KMT2C: variants seen among roughly 807,000 people sequenced by gnomAD.
KMT2C encodes the protein lysine methyltransferase 2C, also known as histone-lysine N-methyltransferase 2C.
Under a neutral mutation model 507.9 loss-of-function variants are expected in KMT2C, and 88 were observed. That is an observed-to-expected ratio of 0.17 (90% confidence interval 0.15 to 0.21). KMT2C has a LOEUF of 0.21. Among genes scored for constraint, KMT2C ranks in the 10% least tolerant of loss-of-function variants. The pLI is 1.00. For synonymous variants in KMT2C, 2,049 were observed against 2,080.8 expected (o/e 0.98, Z 0.42); for missense variants, 4,954 against 5,957.8 (o/e 0.83, Z 5.55).
intron 3 of KMT2C, among the ~76,000 whole-genome samples, chr7:152,318,394 A>C (rs1455759440): frequency 6.6e-6 from 1 of 152,020 alleles, no homozygotes; most frequent in Non-Finnish European, 1.5e-5. Flanking sequence ...ACCTGAGGTC[A>C]GTTCGAAATC....
At chr7:152,199,481 C>A in intron 26 of KMT2C, 22 bp from the exon 27 acceptor site, 1 of 1,456,614 alleles carries the variant, frequency 6.9e-7, no homozygotes, top group Non-Finnish European at 9.1e-7. Flanking sequence ...TAAGCACATA[C>A]AAAAATGGTT....
intron 1 of KMT2C, among the ~76,000 whole-genome samples, chr7:152,394,402 C>CT (rs2097524367): frequency 6.6e-6 from 1 of 152,312 alleles, no homozygotes; most frequent in Admixed American, 6.5e-5. Context: ...CACACTGGCC[C>CT]TTTCAGTTCT....
intron 2 of KMT2C, among the ~76,000 whole-genome samples, chr7:152,354,071 C>A (rs1387114642): frequency 2.6e-4 from 40 of 152,106 alleles, no homozygotes; most frequent in Non-Finnish European, 1.9e-4. Flanking sequence ...GGACAATGGA[C>A]TTTCCAAGGA....
rs748389185 is a variant in KMT2C, at chr7:152,330,780, GTGTT to G, written c.251-45_251-42del. Reference sequence around the variant, plus strand: ...CAAGAGAAAACAAAGAGTCATTTTTGTGTTTATTTTAATCACTGGTGAATGTATC... The same window carrying G: ...CAAGAGAAAACAAAGAGTCATTTTTGTATTTTAATCACTGGTGAATGTATC... On this transcript the variant is annotated intron_variant, in intron 2 of 58. Coordinates refer to ENST00000262189, the MANE Select transcript of KMT2C (RefSeq NM_170606.3). 8 of 1,592,954 alleles carry G rather than the reference GTGTT, an allele frequency of 5.0e-6. No homozygotes were observed. In the South Asian group the frequency reaches 8.8e-5, roughly 18 times the overall value.
In KMT2C at chr7:152,144,243, T is replaced by C. The variant is rs560889682; in HGVS notation, c.14343+470A>G. Among the ~76,000 whole-genome samples, 7 of 152,340 alleles carry C rather than the reference T, an allele frequency of 4.6e-5. No homozygotes were observed. Among genetic ancestry groups the C allele is most frequent in the Non-Finnish European group, 8.8e-5 (6 of 68,026 alleles). On this transcript the variant is annotated intron_variant, in intron 55 of 58. Transcript: ENST00000262189. This position sits in a 1 kb window ranked among gnomAD's most constrained non-coding sequence, Gnocchi z 4.4. ...GACTATAGGTGTAAACTTAAATGCTTAGCCTATACACGGCCTTACTTGTAA... is the reference window on the plus strand; with the variant it reads ...GACTATAGGTGTAAACTTAAATGCTCAGCCTATACACGGCCTTACTTGTAA...
At chr7:152,282,879 T>A (rs2096244007) in intron 6 of KMT2C, among the ~76,000 whole-genome samples, 1 of 144,658 alleles carries the variant, frequency 6.9e-6, no homozygotes, top group Admixed American at 6.8e-5. Context: ...ATTAAGTTTT[T>A]TCTAGAAAAT....
At chr7:152,308,726 A>G (rs945174235) in intron 6 of KMT2C, among the ~76,000 whole-genome samples, 2 of 151,052 alleles carry the variant, frequency 1.3e-5, no homozygotes, top group Non-Finnish European at 1.5e-5. Context: ...GTAGCTCACA[A>G]CTAAACTCCC....
intron 7 of KMT2C, among the ~76,000 whole-genome samples, chr7:152,271,156 A>C (rs1329467344): frequency 6.6e-6 from 1 of 152,212 alleles, no homozygotes; most frequent in Non-Finnish European, 1.5e-5. Context: ...AACCCTCATA[A>C]TAACACTATG....
chr7:152,336,226 C>T (rs2096934094), intron 2 of KMT2C, among the ~76,000 whole-genome samples: 1 of 152,134 alleles, frequency 6.6e-6, no homozygotes, highest in South Asian at 2.1e-4. Flanking sequence ...AAAAAGGTAT[C>T]ACTAAATATT....
At chr7:152,297,110 G>C (rs1200179552) in intron 6 of KMT2C, among the ~76,000 whole-genome samples, 1 of 145,330 alleles carries the variant, frequency 6.9e-6, no homozygotes, top group Non-Finnish European at 1.5e-5. Context: ...AGAAAGACGT[G>C]AATATATGTG....
chr7:152,185,005 C>T (rs983553880), intron 34 of KMT2C, among the ~76,000 whole-genome samples: 5 of 152,194 alleles, frequency 3.3e-5, no homozygotes, highest in South Asian at 4.1e-4. Context: ...CATCTGCCCA[C>T]CTTGGCCTCT....
intron 23 of KMT2C, among the ~76,000 whole-genome samples, chr7:152,210,713 T>G (rs1237317394): frequency 6.6e-6 from 1 of 151,508 alleles, no homozygotes; most frequent in East Asian, 1.9e-4. Context: ...ATTAACAGAC[T>G]AAGTAGGAAG....
At chr7:152,360,823 T>A (rs561627453) in intron 1 of KMT2C, among the ~76,000 whole-genome samples, 2 of 150,684 alleles carry the variant, frequency 1.3e-5, no homozygotes, top group African/African-American at 4.9e-5. Context: ...CACTCCAGCC[T>A]GGGCAACAAG....
At chr7:152,364,563 T>G (rs1182418341) in intron 1 of KMT2C, among the ~76,000 whole-genome samples, 1 of 146,922 alleles carries the variant, frequency 6.8e-6, no homozygotes, top group East Asian at 2.0e-4. Flanking sequence ...GAGCCGAGAT[T>G]ACACCACTGC....
At chr7:152,278,904 G>C (rs1255530776) in intron 6 of KMT2C, among the ~76,000 whole-genome samples, 1 of 152,302 alleles carries the variant, frequency 6.6e-6, no homozygotes, top group Non-Finnish European at 1.5e-5. Flanking sequence ...CTCAAATCAG[G>C]ATATTAAGTA....
chr7:152,433,068 AAT>A lies in KMT2C; in HGVS notation c.161+2556_161+2557del, dbSNP rs1417713210. On this transcript the variant is annotated intron_variant, in intron 1 of 58. Coordinates refer to ENST00000262189, the MANE Select transcript of KMT2C (RefSeq NM_170606.3). ...GAGGCTGAGGAAGGAGAATCGCTTGAATACACGAGGCAGAGGTTGCGGTGAGC... is the reference window on the plus strand; with the variant it reads ...GAGGCTGAGGAAGGAGAATCGCTTGAACACGAGGCAGAGGTTGCGGTGAGC... Among the ~76,000 whole-genome samples, 8 of 152,180 alleles carry A rather than the reference AAT, an allele frequency of 5.3e-5. No individual in the cohort carries two copies. The East Asian group carries it at 1.5e-3, about 29-fold the overall frequency.
intron 2 of KMT2C, among the ~76,000 whole-genome samples, chr7:152,333,448 C>T (rs777735784): frequency 1.3e-5 from 2 of 152,252 alleles, no homozygotes; most frequent in Non-Finnish European, 2.9e-5. Context: ...CTTTGAAGAA[C>T]TTATTATCCA....
chr7:152,241,783 C>T (rs777916536), intron 14 of KMT2C, among the ~76,000 whole-genome samples: 3 of 152,122 alleles, frequency 2.0e-5, no homozygotes, highest in African/African-American at 7.2e-5. Flanking sequence ...TGGCAGTAGA[C>T]AGTTCTCAAA....
chr7:152,197,933 G>GAA (rs893836001), intron 27 of KMT2C, among the ~76,000 whole-genome samples: 1 of 144,158 alleles, frequency 6.9e-6, no homozygotes, highest in Non-Finnish European at 1.5e-5. Context: ...AATAAATAAA[G>GAA]AAAAAAAAAA....
Sources: allele counts gnomAD v4.1 joint callset (sites outside exome capture counted in the v4.1 genomes callset), GRCh38; gene constraint gnomAD v4.1.1; non-coding constraint Gnocchi (gnomAD v3.1); transcripts MANE v1.5; gene names NCBI Gene and HGNC (gene_info 2026-07-23, HGNC 2026-07-21).